Variants in TMEM131 observed in about 807,000 individuals in gnomAD.
TMEM131 encodes transmembrane protein 131, also known as 2610524E03Rik.
A neutral mutation model predicts 211.6 loss-of-function variants in TMEM131; 66 were observed. The ratio of observed to expected loss-of-function variants is 0.31; its 90% CI spans 0.26 to 0.38. The LOEUF is 0.38. TMEM131 is among the 10% of genes least tolerant of loss of function. The probability of loss-of-function intolerance (pLI) is 1.00; values close to 1 mark genes in which losing one functional copy is unlikely to be tolerated. For missense variants in TMEM131, 2,036 were observed against 2,299.3 expected, an observed-to-expected ratio of 0.89 and a Z score of 2.34; for synonymous variants, 844 against 841.3, an observed-to-expected ratio of 1.00 and a Z score of -0.06.
intron 1 of TMEM131, among the ~76,000 whole-genome samples, chr2:97,958,579 A>G (rs569641191): frequency 3.3e-4 from 51 of 152,334 alleles, no homozygotes; most frequent in African/African-American, 1.1e-3. Context: ...TCTGAGACTG[A>G]GCCTGGGAGT....
chr2:97,854,375 C>A (rs1303829154), intron 5 of TMEM131, among the ~76,000 whole-genome samples: 1 of 152,192 alleles, frequency 6.6e-6, no homozygotes, highest in Non-Finnish European at 1.5e-5. Flanking sequence ...AATTCTGTGA[C>A]TGGCTTACTG....
chr2:97,890,668 A>G (rs1188929965), intron 3 of TMEM131, among the ~76,000 whole-genome samples: 1 of 152,220 alleles, frequency 6.6e-6, no homozygotes, highest in Non-Finnish European at 1.5e-5. Flanking sequence ...GTTTAATTCC[A>G]ACAGTCTGTC....
intron 2 of TMEM131, among the ~76,000 whole-genome samples, chr2:97,909,756 T>C (rs983569188): frequency 1.3e-5 from 2 of 152,050 alleles, no homozygotes; most frequent in African/African-American, 2.4e-5. Context: ...AGTGTAAGGG[T>C]GTCCTTAATT....
Position 97,761,983 on chromosome 2 carries a change from G to A in TMEM131, c.4889+52C>T, listed in dbSNP as rs754323089. 16 of 1,499,270 alleles carry A rather than the reference G, an allele frequency of 1.1e-5. No individual in the cohort carries two copies. In the Admixed American group the frequency reaches 1.2e-4, roughly 12 times the overall value. 92.9% of individuals were successfully genotyped at this position (1,499,270 alleles called of 1,614,324 possible). On this transcript the variant is annotated intron_variant, in intron 36 of 40. Coordinates refer to ENST00000186436, the MANE Select transcript of TMEM131 (RefSeq NM_015348.2). ...GTTTCCATTTAAAGGGTGTGACATC[G>A]GGTTTTAGGCACATTTCAAGCTGAG...
intron 26 of TMEM131, among the ~76,000 whole-genome samples, 176 bp downstream of exon 26, chr2:97,797,189 T>C (rs932159289): frequency 4.6e-5 from 7 of 152,254 alleles, no homozygotes; most frequent in South Asian, 2.1e-4. Flanking sequence ...ATTCATGTTT[T>C]TGAACTATGC....
intron 27 of TMEM131, 74 bp from the exon 28 acceptor site, chr2:97,796,478 A>T: frequency 1.1e-6 from 1 of 910,786 alleles, no homozygotes; most frequent in South Asian, 1.7e-5. Context: ...TAAATACATT[A>T]TTCATGAATT....
At chr2:97,871,367 G>C (rs1674482844) in intron 4 of TMEM131, among the ~76,000 whole-genome samples, 1 of 152,180 alleles carries the variant, frequency 6.6e-6, no homozygotes, top group South Asian at 2.1e-4. Context: ...ATTAAAGCAA[G>C]GATGATAATA....
chr2:97,995,507 G>A lies in TMEM131; in HGVS notation c.156C>T (p.Leu52=), dbSNP rs756202012. 2.0e-5 allele frequency: 28 copies of A among 1,414,144 alleles called. No individual in the cohort carries two copies. The East Asian group carries it at 3.1e-4, about 16-fold the overall frequency. 87.6% of individuals were successfully genotyped at this position (1,414,144 alleles called of 1,614,324 possible). Residue 52 remains leucine (L), a synonymous_variant, in exon 1 of 41, where the codon CTC becomes CTT. Transcript: ENST00000186436. ...LLGALHLVMT[L]VVAAARAEKE... is the part of the protein sequence containing the mutation. ...TCTCGGCCCGCGCCGCAGCCACTAC[G>A]AGGGTCATCACCAGGTGCAGCGCGC...
chr2:97,916,066 A>G (rs1414439250), intron 2 of TMEM131, among the ~76,000 whole-genome samples: 1 of 152,186 alleles, frequency 6.6e-6, no homozygotes, highest in Non-Finnish European at 1.5e-5. Context: ...GGCATGTGCC[A>G]GCACGCCCAG....
At chr2:97,802,933 T>C (rs1316715579) in intron 22 of TMEM131, 143 bp from the exon 23 acceptor site, 9 of 683,602 alleles carry the variant, frequency 1.3e-5, no homozygotes, top group Non-Finnish European at 2.1e-5. Flanking sequence ...TATTTTACTA[T>C]GCTTGTAATG....
intron 11 of TMEM131, among the ~76,000 whole-genome samples, chr2:97,830,281 C>T (rs952754953): frequency 2.6e-5 from 4 of 152,156 alleles, no homozygotes; most frequent in Middle Eastern, 3.4e-3. Context: ...ACACAATCAA[C>T]ACCTTGTAGT....
At chr2:97,762,466 T>G (rs1230816083) in intron 35 of TMEM131, 2 of 324,204 alleles carry the variant, frequency 6.2e-6, no homozygotes, top group Non-Finnish European at 1.1e-5. Context: ...TTCTCCCACC[T>G]CAGGTAGGGG....
chr2:97,994,968 A>G (rs1370143926), intron 1 of TMEM131, among the ~76,000 whole-genome samples: 1 of 152,248 alleles, frequency 6.6e-6, no homozygotes, highest in African/African-American at 2.4e-5. Context: ...ATTTAGGTCT[A>G]ATAATAAAGT....
intron 12 of TMEM131, among the ~76,000 whole-genome samples, 182 bp downstream of exon 12, chr2:97,818,431 T>C (rs1281548504): frequency 8.7e-6 from 1 of 115,096 alleles, no homozygotes; most frequent in Non-Finnish European, 1.7e-5. Flanking sequence ...CTCTCATGAA[T>C]CAATCAAGTA....
At chr2:97,918,390 A>C (rs986579255) in intron 2 of TMEM131, among the ~76,000 whole-genome samples, 1 of 152,218 alleles carries the variant, frequency 6.6e-6, no homozygotes, top group African/African-American at 2.4e-5. Context: ...TCAGGACCAG[A>C]GACAAAGACC....
chr2:97,978,883 C>G (rs1401154633), intron 1 of TMEM131, among the ~76,000 whole-genome samples: 1 of 152,038 alleles, frequency 6.6e-6, no homozygotes, highest in Non-Finnish European at 1.5e-5. Context: ...TGGACTTTGC[C>G]CAGATCCAAC....
chr2:97,990,365 C>T (rs1245522846), intron 1 of TMEM131, among the ~76,000 whole-genome samples: 1 of 151,152 alleles, frequency 6.6e-6, no homozygotes, highest in Non-Finnish European at 1.5e-5. Context: ...ATGGGTTTTG[C>T]ATGAACTGTC....
chr2:97,853,635 T>A (rs1573462541), intron 5 of TMEM131, among the ~76,000 whole-genome samples: 3 of 148,708 alleles, frequency 2.0e-5, no homozygotes, highest in Non-Finnish European at 4.5e-5. Flanking sequence ...AGAACATTTG[T>A]GATTCATGGG....
At chr2:97,840,392 C>T (rs1445033381) in intron 7 of TMEM131, among the ~76,000 whole-genome samples, 2 of 152,184 alleles carry the variant, frequency 1.3e-5, no homozygotes, top group Admixed American at 6.6e-5. Context: ...GTTAACAGCC[C>T]TTCTACGGCA....
Sources: gnomAD v4.1 joint callset for allele counts (sites outside exome capture counted in the v4.1 genomes callset) on GRCh38, gnomAD v4.1.1 for gene constraint, MANE v1.5 for transcripts, NCBI Gene and HGNC (gene_info 2026-07-23, HGNC 2026-07-21) for gene names.